The following RASGEF1C variants were observed in gnomAD, a reference collection of about 807,000 sequenced individuals.
The protein encoded by RASGEF1C is ras-GEF domain-containing family member 1C.
In RASGEF1C, 27 loss-of-function variants were observed where a neutral mutation model predicts 58.1. That is an observed-to-expected ratio of 0.46 (90% CI 0.34 to 0.64). The LOEUF is 0.64. Ranked by LOEUF, RASGEF1C falls within the 30% of genes least tolerant of loss-of-function variation. The pLI, the probability that RASGEF1C is intolerant of heterozygous loss-of-function variation, is 0.01. For synonymous variants in RASGEF1C, 243 were observed against 246.3 expected (o/e 0.99, Z 0.13); for missense variants, 502 against 605.1 (o/e 0.83, Z 1.79).
intron 1 of RASGEF1C, among the ~76,000 whole-genome samples, chr5:180,157,884 A>G (rs1766876241): frequency 1.3e-5 from 2 of 152,150 alleles, no homozygotes; most frequent in African/African-American, 4.8e-5. Context: ...ATAATGGTGG[A>G]TATGTGACAT....
intron 6 of RASGEF1C, among the ~76,000 whole-genome samples, chr5:180,121,637 TCACACACACACACACACACACACA>T (rs762495633): frequency 8.8e-6 from 1 of 113,260 alleles, no homozygotes; most frequent in Non-Finnish European, 1.8e-5. Flanking sequence ...AAATGTAACT[TCACACACACACACACACACACACA>T]CACACACACA....
rs886425511 is a variant in RASGEF1C, at chr5:180,209,200, C to T, written c.-179G>A. 1 of 147,282 alleles carries T rather than the reference C, an allele frequency of 6.8e-6. No individual in the cohort carries two copies. The highest frequency in any genetic ancestry group is 1.5e-5 in the Non-Finnish European group (1 of 66,116). The allele number at this position is 147,282 out of a possible 1,614,324, so 9.1% of individuals were successfully genotyped here. On this transcript the variant is annotated 5_prime_UTR_variant, in exon 1 of 14. Coordinates refer to ENST00000361132, the MANE Select transcript of RASGEF1C (RefSeq NM_175062.4). ...CCCGCACGAGCGCCTGGCGGCGGCC[C>T]CGGAGCAACGCGGCGCTGCGCCCCC...
chr5:180,106,124 C>T (rs534213590), intron 12 of RASGEF1C, among the ~76,000 whole-genome samples: 24 of 152,288 alleles, frequency 1.6e-4, no homozygotes, highest in East Asian at 3.9e-4. Flanking sequence ...GTTCAGACCA[C>T]GGTTGACTGA....
chr5:180,176,234 G>T (rs1367565966), intron 1 of RASGEF1C, among the ~76,000 whole-genome samples: 2 of 152,214 alleles, frequency 1.3e-5, no homozygotes, highest in Admixed American at 1.3e-4. Context: ...GGCCCTGGAG[G>T]CAGGGGCCCC....
intron 12 of RASGEF1C, among the ~76,000 whole-genome samples, chr5:180,106,826 T>C (rs548778344): frequency 1.3e-5 from 2 of 152,356 alleles, no homozygotes; most frequent in South Asian, 4.1e-4. Context: ...TTTGCTGATT[T>C]TCTGTCTAGT....
intron 13 of RASGEF1C, among the ~76,000 whole-genome samples, 187 bp from the exon 14 acceptor site, chr5:180,101,712 C>T (rs1765787602): frequency 6.6e-6 from 1 of 152,258 alleles, no homozygotes; most frequent in South Asian, 2.1e-4. Context: ...CCGACCGCCA[C>T]TTGGACGTGT....
At chr5:180,171,904 G>A (rs1408441932) in intron 1 of RASGEF1C, among the ~76,000 whole-genome samples, 1 of 152,094 alleles carries the variant, frequency 6.6e-6, no homozygotes, top group Admixed American at 6.5e-5. Context: ...CTGTGGGGCG[G>A]GCCCCTCAGC....
intron 1 of RASGEF1C, among the ~76,000 whole-genome samples, chr5:180,174,954 T>C (rs1311806338): frequency 6.6e-6 from 1 of 152,102 alleles, no homozygotes; most frequent in Non-Finnish European, 1.5e-5. Flanking sequence ...GGTTTTATCA[T>C]CTTCTGAGAG....
At chr5:180,206,471 G>C (rs770307810) in intron 1 of RASGEF1C, among the ~76,000 whole-genome samples, 1 of 152,200 alleles carries the variant, frequency 6.6e-6, no homozygotes, top group Non-Finnish European at 1.5e-5. Context: ...TGGGGAAACA[G>C]AAGACACTGT....
intron 4 of RASGEF1C, among the ~76,000 whole-genome samples, chr5:180,134,814 TACCCTTGCTTCCTCCTTTCTAGC>T (rs1375317991): frequency 9.3e-5 from 1 of 10,736 alleles, no homozygotes; most frequent in East Asian, 5.2e-3. Flanking sequence ...TTCACGCATC[TACCCTTGCTTCCTCCTTTCTAGC>T]ATTCACCCAT....
At chr5:180,191,363 ATT>A (rs35378832) in intron 1 of RASGEF1C, among the ~76,000 whole-genome samples, 12 of 150,648 alleles carry the variant, frequency 8.0e-5, no homozygotes, top group Non-Finnish European at 1.2e-4. Context: ...TTATTTACTT[ATT>A]TTTTTTTTTG....
intron 1 of RASGEF1C, among the ~76,000 whole-genome samples, chr5:180,163,380 G>GTA (rs1766976212): frequency 6.6e-6 from 1 of 151,742 alleles, no homozygotes; most frequent in South Asian, 2.1e-4. Context: ...GATATTAGCG[G>GTA]TAGGTTTTGT....
intron 1 of RASGEF1C, among the ~76,000 whole-genome samples, chr5:180,208,743 G>A (rs1581135959): frequency 6.6e-6 from 1 of 152,114 alleles, no homozygotes; most frequent in Admixed American, 6.5e-5. Context: ...GCTGAAAGAA[G>A]CTTGCTCCTC....
intron 1 of RASGEF1C, among the ~76,000 whole-genome samples, chr5:180,195,718 C>CT: frequency 6.6e-6 from 1 of 151,600 alleles, no homozygotes; most frequent in South Asian, 2.1e-4. Flanking sequence ...GCCGAGATCA[C>CT]ACCACTACTG....
At chr5:180,159,911 G>T (rs570132895) in intron 1 of RASGEF1C, among the ~76,000 whole-genome samples, 1 of 152,352 alleles carries the variant, frequency 6.6e-6, no homozygotes, top group South Asian at 2.1e-4. Context: ...AATGTGAGCT[G>T]CCGTGGCTGC....
At chr5:180,138,097 ACACCTGAGTTGGGTG>A in intron 1 of RASGEF1C, 39 bp from the exon 2 acceptor site, 2 of 1,296,700 alleles carry the variant, frequency 1.5e-6, no homozygotes, top group East Asian at 5.4e-5. Context: ...GAGTGGGGGC[ACACCTGAGTTGGGTG>A]CACCTGAGTG....
chr5:180,201,515 A>G (rs889178321), intron 1 of RASGEF1C, among the ~76,000 whole-genome samples: 8 of 152,228 alleles, frequency 5.3e-5, no homozygotes, highest in Non-Finnish European at 8.8e-5. Flanking sequence ...CCACCAGTCC[A>G]GGCAAATTAA....
chr5:180,137,974 C>A lies in RASGEF1C; in HGVS notation c.79G>T (p.Glu27Ter). 1.2e-6 allele frequency: 2 copies of A among 1,600,378 alleles called. No individual in the cohort carries two copies. The highest frequency in any genetic ancestry group is 2.3e-5 in the East Asian group (1 of 44,122). The change falls in exon 2 of 14, where the codon GAA (glutamate) becomes TAA (stop). Residue 27 changes from glutamate (E) to a stop codon, truncating the protein, a stop_gained. Transcript: ENST00000361132. LOFTEE classifies it high-confidence loss of function. The surrounding 1 kb of genome is among the most constrained non-coding windows in gnomAD (Gnocchi z 4.1). ...SPPPTEPTDGEQAGQPLLDGA... is the reference protein window; with the variant it reads ...SPPPTEPTDG The stretch of plus-strand genomic sequence containing the variant: ...TCCAGGAGGGGCTGCCCAGCCTGTT[C>A]GCCATCTGTGGGCTCGGTGGGGGGT...
At position 180,101,465 on chromosome 5, in the gene RASGEF1C, GGCTCCA is replaced by G; in HGVS notation, c.*30_*35del. The stretch of plus-strand genomic sequence containing the variant: ...GGCAGGGCTGTGGACGGCTTCTGCG[GGCTCCA>G]GCTCTTCCTCGTCCCTCAGCTCAGC... On this transcript the variant is annotated 3_prime_UTR_variant, in exon 14 of 14. Transcript: ENST00000361132. The G allele has an allele frequency of 6.2e-7, 1 of 1,607,622 alleles. No individual in the cohort carries two copies. The highest frequency in any genetic ancestry group is 1.7e-4 in the Middle Eastern group (1 of 6,042).
Sources: gnomAD v4.1 joint callset for allele counts (sites outside exome capture counted in the v4.1 genomes callset) on GRCh38, gnomAD v4.1.1 for gene constraint, Gnocchi (gnomAD v3.1) non-coding constraint, MANE v1.5 for transcripts, NCBI Gene and HGNC (gene_info 2026-07-23, HGNC 2026-07-21) for gene names.